Variants in ADAMTS12 observed in about 807,000 individuals in gnomAD.
ADAMTS12 encodes the protein ADAM metallopeptidase with thrombospondin type 1 motif 12.
A neutral mutation model predicts 167.8 loss-of-function variants in ADAMTS12; 118 were observed. The ratio of observed to expected loss-of-function variants is 0.70; its 90% CI spans 0.61 to 0.82. The LOEUF is 0.82. Among genes scored for constraint, ADAMTS12 ranks in the 40% least tolerant of loss-of-function variants. The pLI is 0.00. For missense variants in ADAMTS12, 1,916 were observed against 1,998.8 expected (o/e 0.96, Z 0.79); for synonymous variants, 704 against 716.9 (o/e 0.98, Z 0.29).
At chr5:33,779,183 T>TA (rs1746024353) in intron 2 of ADAMTS12, among the ~76,000 whole-genome samples, 1 of 76,342 alleles carries the variant, frequency 1.3e-5, no homozygotes, top group South Asian at 3.7e-4. Context: ...CTGAAATTAG[T>TA]ATTTTTTTTT....
intron 2 of ADAMTS12, among the ~76,000 whole-genome samples, chr5:33,846,446 G>A (rs1290726707): frequency 1.3e-5 from 2 of 152,168 alleles, no homozygotes; most frequent in African/African-American, 4.8e-5. Context: ...GCCAGTAATA[G>A]AATTGAGTTT....
chr5:33,666,193 T>C (rs1165244443), intron 5 of ADAMTS12, among the ~76,000 whole-genome samples: 1 of 152,234 alleles, frequency 6.6e-6, no homozygotes, highest in Non-Finnish European at 1.5e-5. Flanking sequence ...TGCCAAGAAC[T>C]GGACACCCTC....
At chr5:33,789,784 C>T (rs1746458168) in intron 2 of ADAMTS12, among the ~76,000 whole-genome samples, 1 of 152,094 alleles carries the variant, frequency 6.6e-6, no homozygotes, top group African/African-American at 2.4e-5. Context: ...AGTCCATTTC[C>T]CCACAGTGCT....
At chr5:33,698,995 A>G (rs1055199046) in intron 3 of ADAMTS12, among the ~76,000 whole-genome samples, 17 of 152,168 alleles carry the variant, frequency 1.1e-4, no homozygotes, top group African/African-American at 4.1e-4. Context: ...CGTCTCAACT[A>G]AAACTACAAA....
chr5:33,593,831 G>T (rs1338970735), intron 17 of ADAMTS12, among the ~76,000 whole-genome samples: 1 of 152,116 alleles, frequency 6.6e-6, no homozygotes, highest in African/African-American at 2.4e-5. Context: ...ATGTATCCCA[G>T]AACTTAAAGT....
chr5:33,712,316 A>G (rs1743430903), intron 3 of ADAMTS12, among the ~76,000 whole-genome samples: 1 of 152,294 alleles, frequency 6.6e-6, no homozygotes, highest in African/African-American at 2.4e-5. Flanking sequence ...AGGTCTCAAC[A>G]TATCCCCCAA....
At chr5:33,839,755 C>T (rs997599) in intron 2 of ADAMTS12, among the ~76,000 whole-genome samples, 2,259 of 152,258 alleles carry the variant, frequency 0.015, 55 homozygotes, top group African/African-American at 0.052. Context: ...GGTTGTATCG[C>T]GTTCTTCACT....
intron 20 of ADAMTS12, among the ~76,000 whole-genome samples, chr5:33,551,790 C>A (rs1439952244): frequency 6.6e-6 from 1 of 152,118 alleles, no homozygotes; most frequent in East Asian, 1.9e-4. Context: ...TATTCTATTC[C>A]ATTTTCAAAA....
chr5:33,758,230 G>T (rs896383654), intron 2 of ADAMTS12, among the ~76,000 whole-genome samples: 1 of 152,072 alleles, frequency 6.6e-6, no homozygotes, highest in Non-Finnish European at 1.5e-5. Context: ...ACAAGTTAAG[G>T]GTTTCTGTAG....
chr5:33,537,397 G>C (rs960063125), intron 22 of ADAMTS12, among the ~76,000 whole-genome samples: 3 of 152,238 alleles, frequency 2.0e-5, no homozygotes, highest in African/African-American at 7.2e-5. Context: ...CTGTAGGACT[G>C]CTCCCTACTG....
chr5:33,781,633 A>G (rs975334065), intron 2 of ADAMTS12, among the ~76,000 whole-genome samples: 2 of 152,164 alleles, frequency 1.3e-5, no homozygotes, highest in African/African-American at 4.8e-5. Context: ...TGAAAGGTCA[A>G]CCAGTAAATT....
At chr5:33,631,055 A>T in intron 12 of ADAMTS12, 142 bp from the exon 13 acceptor site, 1 of 899,068 alleles carries the variant, frequency 1.1e-6, no homozygotes, top group Non-Finnish European at 1.7e-6. Flanking sequence ...CACATGCTGA[A>T]ATATGCCTCA....
At chr5:33,832,647 C>A (rs1276902131) in intron 2 of ADAMTS12, among the ~76,000 whole-genome samples, 1 of 152,164 alleles carries the variant, frequency 6.6e-6, no homozygotes, top group Non-Finnish European at 1.5e-5. Flanking sequence ...TTCCACCAGG[C>A]ACTAGCGGGG....
At chr5:33,572,387 A>C (rs1455455972) in intron 19 of ADAMTS12, among the ~76,000 whole-genome samples, 1 of 152,012 alleles carries the variant, frequency 6.6e-6, no homozygotes, top group Non-Finnish European at 1.5e-5. Flanking sequence ...GCATATCAAA[A>C]AGCTTATCCA....
rs147938541 is a variant in ADAMTS12 at position 33,855,096 on chromosome 5, C to T, written c.489+26023G>A. Among the ~76,000 whole-genome samples the T allele has an allele frequency of 3.8e-4, 58 of 152,308 alleles. 1 individual carries two copies. Among genetic ancestry groups the T allele is most frequent in the African/African-American group, 1.2e-3 (50 of 41,562 alleles). ...AGATTTCATTCCTCAGCTACATCAC[C>T]CCAGGCTTTAGACAGCATTCAAGAA... On this transcript the variant is annotated intron_variant, in intron 2 of 23. Coordinates refer to ENST00000504830, the MANE Select transcript of ADAMTS12 (RefSeq NM_030955.4).
intron 3 of ADAMTS12, among the ~76,000 whole-genome samples, chr5:33,698,709 G>T (rs1053585015): frequency 1.3e-5 from 2 of 152,148 alleles, no homozygotes; most frequent in Non-Finnish European, 2.9e-5. Context: ...AGACCCAGGC[G>T]GGCGGATCAC....
intron 3 of ADAMTS12, among the ~76,000 whole-genome samples, chr5:33,732,081 C>G (rs556179036): frequency 6.6e-6 from 1 of 152,146 alleles, no homozygotes; most frequent in East Asian, 1.9e-4. Context: ...TGATGTCTAC[C>G]CAGCACCAGG....
chr5:33,889,173 G>A (rs1750754653), intron 1 of ADAMTS12, among the ~76,000 whole-genome samples: 1 of 152,162 alleles, frequency 6.6e-6, no homozygotes. Context: ...TGGGGGCGAG[G>A]CATGATGGCT....
chr5:33,801,613 A>G (rs1249017963), intron 2 of ADAMTS12, among the ~76,000 whole-genome samples: 1 of 152,222 alleles, frequency 6.6e-6, no homozygotes, highest in African/African-American at 2.4e-5. Flanking sequence ...CAGAAAAAAC[A>G]AGAGCCTCAA....
Sources: allele counts gnomAD v4.1 joint callset (sites outside exome capture counted in the v4.1 genomes callset), GRCh38; gene constraint gnomAD v4.1.1; transcripts MANE v1.5; gene names NCBI Gene and HGNC (gene_info 2026-07-23, HGNC 2026-07-21).